Variants in TBC1D22A observed in about 807,000 individuals in gnomAD.
TBC1D22A encodes the protein TBC1 domain family member 22A.
TBC1D22A carries 38 observed loss-of-function variants against 60.2 expected under a neutral mutation model. The observed-to-expected ratio is 0.63, with a 90% CI of 0.49 to 0.83. The LOEUF (loss-of-function observed/expected upper bound fraction) is 0.83, where lower values mean the gene tolerates loss of function less well. Among genes scored for constraint, TBC1D22A ranks in the 40% least tolerant of loss-of-function variants. The pLI is 0.00. For missense variants in TBC1D22A, 628 were observed against 701.0 expected, an observed-to-expected ratio of 0.90 and a Z score of 1.18; for synonymous variants, 302 against 281.7, an observed-to-expected ratio of 1.07 and a Z score of -0.72.
chr22:46,784,439 A>G (rs2084074216), intron 1 of TBC1D22A, among the ~76,000 whole-genome samples: 1 of 152,238 alleles, frequency 6.6e-6, no homozygotes, highest in Non-Finnish European at 1.5e-5. Context: ...TTCTTTTAAA[A>G]TATCTTTAGT....
intron 4 of TBC1D22A, among the ~76,000 whole-genome samples, chr22:46,853,287 G>T (rs1462871217): frequency 6.6e-6 from 1 of 152,226 alleles, no homozygotes; most frequent in Non-Finnish European, 1.5e-5. Flanking sequence ...GGTGACAGAG[G>T]CACCTCTAGG....
chr22:47,114,432 G>A (rs1229027342), intron 12 of TBC1D22A, among the ~76,000 whole-genome samples: 1 of 152,004 alleles, frequency 6.6e-6, no homozygotes, highest in Non-Finnish European at 1.5e-5. Flanking sequence ...GTTGGATGGA[G>A]AGAATGCTGT....
chr22:47,123,501 T>C (rs1288316431), intron 12 of TBC1D22A, among the ~76,000 whole-genome samples: 1 of 152,218 alleles, frequency 6.6e-6, no homozygotes, highest in Non-Finnish European at 1.5e-5. Flanking sequence ...ACTAGTGAAC[T>C]CACACCCAGG....
At chr22:47,124,913 T>C (rs735252) in intron 12 of TBC1D22A, among the ~76,000 whole-genome samples, 1 of 151,808 alleles carries the variant, frequency 6.6e-6, no homozygotes, top group Non-Finnish European at 1.5e-5. Flanking sequence ...ACAAAGATGG[T>C]GCCTGCAGAG....
chr22:46,777,789 C>T lies in TBC1D22A; in HGVS notation c.63-14731C>T, dbSNP rs185163026. ...GGCTGCCAGGGTGGCGGAGCCGCTC[C>T]GAAAGTCATGCATCACTTAGCGACG... is the stretch of plus-strand genomic sequence containing the variant. On this transcript the variant is annotated intron_variant, in intron 1 of 12. Transcript: ENST00000337137. The surrounding 1 kb of genome is among the most constrained non-coding windows in gnomAD (Gnocchi z 4.5). 3.9e-5 allele frequency among the ~76,000 whole-genome samples: 6 copies of T among 152,124 alleles called. No homozygotes were observed. Among genetic ancestry groups the T allele is most frequent in the Non-Finnish European group, 2.9e-5 (2 of 68,030 alleles).
intron 11 of TBC1D22A, among the ~76,000 whole-genome samples, chr22:47,080,506 A>G (rs2064418996): frequency 6.6e-6 from 1 of 152,194 alleles, no homozygotes; most frequent in Non-Finnish European, 1.5e-5. Context: ...TCCGCGATTC[A>G]AAGAAGTCAA....
At chr22:47,131,162 G>A (rs2066664970) in intron 12 of TBC1D22A, among the ~76,000 whole-genome samples, 1 of 152,192 alleles carries the variant, frequency 6.6e-6, no homozygotes, top group South Asian at 2.1e-4. Flanking sequence ...CCATGACCCA[G>A]ATGCCTCCCA....
chr22:46,775,944 G>A (rs1042736264), intron 1 of TBC1D22A, among the ~76,000 whole-genome samples: 18 of 152,328 alleles, frequency 1.2e-4, no homozygotes, highest in African/African-American at 3.8e-4. Flanking sequence ...TATGGGATGC[G>A]CTCTGTTTGC....
chr22:46,946,991 G>C (rs2072586863), intron 8 of TBC1D22A, among the ~76,000 whole-genome samples: 1 of 152,128 alleles, frequency 6.6e-6, no homozygotes, highest in African/African-American at 2.4e-5. Flanking sequence ...CCTGAATATT[G>C]AGCCGTGGCC....
chr22:46,812,275 C>CGCT (rs1316746020), intron 4 of TBC1D22A, among the ~76,000 whole-genome samples: 3 of 152,168 alleles, frequency 2.0e-5, no homozygotes, highest in Non-Finnish European at 4.4e-5. Flanking sequence ...GCTCCCCTGC[C>CGCT]GCTGCCTCCT....
At chr22:46,864,884 G>A (rs760187146) in intron 4 of TBC1D22A, among the ~76,000 whole-genome samples, 9 of 152,160 alleles carry the variant, frequency 5.9e-5, no homozygotes, top group Non-Finnish European at 1.3e-4. Flanking sequence ...GTGATCGACC[G>A]AGTGAGTGAG....
chr22:46,971,264 C>T lies in TBC1D22A; in HGVS notation c.1016-3026C>T, dbSNP rs899813939. Among the ~76,000 whole-genome samples, 4 of 152,212 alleles carry T rather than the reference C, an allele frequency of 2.6e-5. No individual in the cohort carries two copies. In the East Asian group the frequency reaches 5.8e-4, roughly 22 times the overall value. On this transcript the variant is annotated intron_variant, in intron 8 of 12. Coordinates refer to ENST00000337137, the MANE Select transcript of TBC1D22A (RefSeq NM_014346.5). ...GAGCGAGGCTCCTGCCTGGCTCACGCGGCGCCTGGCTCTGCGAGTCGGAGC... is the reference window on the plus strand; with the variant it reads ...GAGCGAGGCTCCTGCCTGGCTCACGTGGCGCCTGGCTCTGCGAGTCGGAGC...
intron 2 of TBC1D22A, chr22:46,792,955 T>C: frequency 2.9e-6 from 2 of 690,750 alleles, no homozygotes; most frequent in Non-Finnish European, 3.6e-6. Flanking sequence ...TCCTGGCCCC[T>C]CCACAGCAGG....
intron 12 of TBC1D22A, among the ~76,000 whole-genome samples, chr22:47,142,607 A>G (rs1035539436): frequency 2.0e-5 from 2 of 101,056 alleles, no homozygotes; most frequent in Admixed American, 1.1e-4. Flanking sequence ...CCCATCATCC[A>G]TCCATCTGCA....
At chr22:47,024,367 T>A (rs2062184281) in intron 10 of TBC1D22A, among the ~76,000 whole-genome samples, 1 of 152,212 alleles carries the variant, frequency 6.6e-6, no homozygotes, top group African/African-American at 2.4e-5. Flanking sequence ...AACTCAGCCA[T>A]ATCAGTAGGT....
intron 12 of TBC1D22A, among the ~76,000 whole-genome samples, chr22:47,141,432 C>T (rs546180787): frequency 1.9e-4 from 29 of 152,346 alleles, no homozygotes; most frequent in South Asian, 4.1e-4. Flanking sequence ...CTTCCCCTTA[C>T]GCACGCATTT....
intron 8 of TBC1D22A, chr22:46,913,743 T>C (rs940524460): frequency 2.0e-6 from 2 of 985,450 alleles, no homozygotes; most frequent in South Asian, 9.4e-5. Flanking sequence ...TGATATTCCA[T>C]GTTAAATAGA....
At chr22:46,903,321 T>C (rs965957263) in intron 7 of TBC1D22A, among the ~76,000 whole-genome samples, 2 of 152,138 alleles carry the variant, frequency 1.3e-5, no homozygotes, top group South Asian at 2.1e-4. Context: ...AAGTTCAGCC[T>C]GCGGGGGCGT....
intron 3 of TBC1D22A, 110 bp downstream of exon 3, chr22:46,793,951 A>G (rs1334910641): frequency 9.1e-7 from 1 of 1,101,858 alleles, no homozygotes; most frequent in Middle Eastern, 2.8e-4. Flanking sequence ...CATTTGCAGC[A>G]GGCCCCCTGG....
Sources: gnomAD v4.1 joint callset for allele counts (sites outside exome capture counted in the v4.1 genomes callset) on GRCh38, gnomAD v4.1.1 for gene constraint, Gnocchi (gnomAD v3.1) non-coding constraint, MANE v1.5 for transcripts, NCBI Gene and HGNC (gene_info 2026-07-23, HGNC 2026-07-21) for gene names.